CNTN6: variants seen among roughly 807,000 people sequenced by gnomAD.
CNTN6 encodes contactin 6, also known as contactin-6.
In CNTN6, 137 loss-of-function variants were observed where a neutral mutation model predicts 122.8. That is an observed-to-expected ratio of 1.12 (90% confidence interval 0.97 to 1.29). The LOEUF is 1.29. Ranked by LOEUF, CNTN6 falls within the 50% of genes most tolerant of loss-of-function variation. The probability of loss-of-function intolerance (pLI) is 0.00; values close to 1 mark genes in which losing one functional copy is unlikely to be tolerated. For missense variants in CNTN6, 1,634 were observed against 1,223.4 expected (o/e 1.34, Z -5.01); for synonymous variants, 570 against 426.0 (o/e 1.34, Z -4.16).
At chr3:1,104,100 T>C (rs2091096066) in intron 1 of CNTN6, among the ~76,000 whole-genome samples, 1 of 152,088 alleles carries the variant, frequency 6.6e-6, no homozygotes, top group South Asian at 2.1e-4. Context: ...CAGAGAAGAG[T>C]TCTGCTCCTG....
At chr3:1,333,442 G>A (rs1476004404) in intron 11 of CNTN6, among the ~76,000 whole-genome samples, 1 of 151,874 alleles carries the variant, frequency 6.6e-6, no homozygotes. Context: ...TCATACCTCT[G>A]TTAAAACATG....
intron 5 of CNTN6, among the ~76,000 whole-genome samples, chr3:1,290,699 G>T (rs911808049): frequency 6.6e-6 from 1 of 152,140 alleles, no homozygotes; most frequent in South Asian, 2.1e-4. Context: ...CATTTTTATG[G>T]TTATTTCTTA....
At chr3:1,326,199 C>G (rs1242321325) in intron 9 of CNTN6, among the ~76,000 whole-genome samples, 2 of 151,810 alleles carry the variant, frequency 1.3e-5, no homozygotes, top group Non-Finnish European at 2.9e-5. Flanking sequence ...GTAATAGATT[C>G]ACATTTAAAT....
chr3:1,275,873 T>TTGCCTGCC (rs1692255297), intron 4 of CNTN6, among the ~76,000 whole-genome samples: 1 of 152,180 alleles, frequency 6.6e-6, no homozygotes, highest in South Asian at 2.1e-4. Flanking sequence ...CTTTGTTCGC[T>TTGCCTGCC]TGCCTGCCAC....
intron 5 of CNTN6, among the ~76,000 whole-genome samples, chr3:1,283,933 A>G (rs1575550863): frequency 6.6e-6 from 1 of 152,224 alleles, no homozygotes; most frequent in Non-Finnish European, 1.5e-5. Context: ...TGGGAGGCGG[A>G]GGTTGCAGTG....
intron 1 of CNTN6, among the ~76,000 whole-genome samples, chr3:1,120,901 G>A (rs924756371): frequency 1.3e-5 from 2 of 151,620 alleles, no homozygotes; most frequent in Non-Finnish European, 3.0e-5. Flanking sequence ...ACTTGGAAAA[G>A]CCTTTTTAAA....
intron 7 of CNTN6, among the ~76,000 whole-genome samples, chr3:1,310,845 T>C (rs1306005697): frequency 6.6e-6 from 1 of 152,032 alleles, no homozygotes; most frequent in Non-Finnish European, 1.5e-5. Context: ...CTACTAAAAA[T>C]ACAAAATCAG....
At chr3:1,104,392 A>T (rs1192193910) in intron 1 of CNTN6, among the ~76,000 whole-genome samples, 2 of 152,176 alleles carry the variant, frequency 1.3e-5, no homozygotes, top group African/African-American at 4.8e-5. Context: ...GAGGATTAAC[A>T]AAAATAGGAT....
chr3:1,166,500 T>C (rs188787785), intron 2 of CNTN6, among the ~76,000 whole-genome samples: 1 of 152,060 alleles, frequency 6.6e-6, no homozygotes, highest in Non-Finnish European at 1.5e-5. Flanking sequence ...CAGATTAAAA[T>C]TTTTTTTAAG....
chr3:1,388,288 C>A (rs1253518116), intron 20 of CNTN6, among the ~76,000 whole-genome samples: 6 of 148,142 alleles, frequency 4.1e-5, no homozygotes, highest in African/African-American at 1.5e-4. Flanking sequence ...GGAGGCACCC[C>A]CCAGCAGGGG....
At chr3:1,396,388 A>G (rs891077130) in intron 20 of CNTN6, among the ~76,000 whole-genome samples, 1 of 152,172 alleles carries the variant, frequency 6.6e-6, no homozygotes, top group Non-Finnish European at 1.5e-5. Flanking sequence ...ACTTTGGCCC[A>G]TTGTGAAACA....
intron 7 of CNTN6, among the ~76,000 whole-genome samples, chr3:1,301,024 C>CTTTT (rs562912841): frequency 0.011 from 993 of 93,220 alleles, 81 homozygotes; most frequent in South Asian, 0.015. Flanking sequence ...AGTCCCTAAA[C>CTTTT]TTTTTTTTTT....
chr3:1,281,927 C>T (rs986929956), intron 5 of CNTN6, among the ~76,000 whole-genome samples: 24 of 151,540 alleles, frequency 1.6e-4, no homozygotes, highest in Non-Finnish European at 4.4e-5. Flanking sequence ...TTATACAAAA[C>T]TTTTTTTTAA....
chr3:1,264,781 A>G (rs1273268770), intron 4 of CNTN6, among the ~76,000 whole-genome samples: 3 of 151,898 alleles, frequency 2.0e-5, no homozygotes, highest in East Asian at 3.9e-4. Context: ...TATTTTTACC[A>G]CTCTGTGCAA....
At chr3:1,363,315 T>C (rs907959039) in intron 12 of CNTN6, among the ~76,000 whole-genome samples, 1 of 151,914 alleles carries the variant, frequency 6.6e-6, no homozygotes, top group Non-Finnish European at 1.5e-5. Flanking sequence ...TATACAGATA[T>C]ATATATACAC....
intron 10 of CNTN6, 79 bp from the exon 11 acceptor site, chr3:1,329,706 C>T (rs1702020521): frequency 8.1e-7 from 1 of 1,238,980 alleles, no homozygotes; most frequent in Admixed American, 2.3e-5. Flanking sequence ...TAGATTCTGT[C>T]TAGCATAGCA....
chr3:1,287,794 C>T (rs1184965589), intron 5 of CNTN6, among the ~76,000 whole-genome samples: 1 of 152,184 alleles, frequency 6.6e-6, no homozygotes, highest in Non-Finnish European at 1.5e-5. Flanking sequence ...GCCATGGCAA[C>T]TTCTAGAAGC....
intron 1 of CNTN6, among the ~76,000 whole-genome samples, chr3:1,141,020 C>T (rs2092596523): frequency 6.6e-6 from 1 of 152,132 alleles, no homozygotes; most frequent in South Asian, 2.1e-4. Flanking sequence ...CTAGTCTGTA[C>T]TATATTTTTC....
chr3:1,320,092 C>A (rs1437077479), intron 7 of CNTN6, among the ~76,000 whole-genome samples: 2 of 151,482 alleles, frequency 1.3e-5, no homozygotes, highest in African/African-American at 4.8e-5. Flanking sequence ...TTAATTGTTG[C>A]CATGAATATA....
Sources: gnomAD v4.1 joint callset for allele counts (sites outside exome capture counted in the v4.1 genomes callset) on GRCh38, gnomAD v4.1.1 for gene constraint, MANE v1.5 for transcripts, NCBI Gene and HGNC (gene_info 2026-07-23, HGNC 2026-07-21) for gene names.